ATP2B2: variants seen among roughly 807,000 people sequenced by gnomAD.
ATP2B2 encodes plasma membrane calcium-transporting ATPase 2.
Under a neutral mutation model 120.0 loss-of-function variants are expected in ATP2B2, and 15 were observed. The ratio of observed to expected loss-of-function variants is 0.12; its 90% CI spans 0.08 to 0.19. The LOEUF is 0.19. Among genes scored for constraint, ATP2B2 ranks in the 10% least tolerant of loss-of-function variants. The pLI is 1.00. For missense variants in ATP2B2, 1,045 were observed against 1,719.8 expected (o/e 0.61, Z 6.94); for synonymous variants, 694 against 700.3 (o/e 0.99, Z 0.14).
intron 1 of ATP2B2, among the ~76,000 whole-genome samples, chr3:10,470,176 G>T (rs146542207): frequency 6.6e-6 from 1 of 152,298 alleles, no homozygotes; most frequent in East Asian, 1.9e-4. Flanking sequence ...GGTTGAAATA[G>T]AAATAGCAGT....
At chr3:10,480,570 C>A (rs189998222) in intron 1 of ATP2B2, among the ~76,000 whole-genome samples, 1 of 152,344 alleles carries the variant, frequency 6.6e-6, no homozygotes, top group Admixed American at 6.5e-5. Flanking sequence ...CTGGACAGAA[C>A]TCCCTGTCAT....
intron 5 of ATP2B2, chr3:10,394,589 A>T (rs1335644584): frequency 4.4e-6 from 2 of 454,206 alleles, no homozygotes; most frequent in East Asian, 1.4e-4. Flanking sequence ...GGCCTTCTGC[A>T]GTCACGGTGT....
At chr3:10,404,068 A>G (rs1376159221) in intron 3 of ATP2B2, among the ~76,000 whole-genome samples, 1 of 152,236 alleles carries the variant, frequency 6.6e-6, no homozygotes, top group Non-Finnish European at 1.5e-5. Context: ...GTTTATGGGC[A>G]TTGGGCTCCT....
chr3:10,520,082 C>T (rs1212682208), intron 3 of ATP2B2, among the ~76,000 whole-genome samples: 4 of 152,184 alleles, frequency 2.6e-5, no homozygotes, highest in Admixed American at 2.6e-4. Context: ...TAAAATCAGC[C>T]CTAACAGATA....
chr3:10,431,280 G>A (rs916287053), intron 2 of ATP2B2, among the ~76,000 whole-genome samples: 2 of 152,194 alleles, frequency 1.3e-5, no homozygotes, highest in African/African-American at 4.8e-5. Flanking sequence ...TGGGTAAAAT[G>A]CTATCAAACA....
In ATP2B2 at chr3:10,596,980, C is replaced by T. The variant is rs150432002; in HGVS notation, c.-415+22937G>A. Among the ~76,000 whole-genome samples, 1,054 of 151,218 alleles carry T rather than the reference C, an allele frequency of 7.0e-3. 12 individuals are homozygous for T. The highest frequency in any genetic ancestry group is 0.024 in the African/African-American group (981 of 41,174). On this transcript the variant is annotated intron_variant, in intron 2 of 21. Transcript: ENST00000646379. The stretch of plus-strand genomic sequence containing the variant: ...GTACGCGTGCACACACACAGGCACA[C>T]GCACACGCAGGTGCACACGCACACA...
At chr3:10,385,095 C>T (rs557951526) in intron 8 of ATP2B2, among the ~76,000 whole-genome samples, 173 bp downstream of exon 8, 8 of 152,300 alleles carry the variant, frequency 5.3e-5, no homozygotes, top group Non-Finnish European at 8.8e-5. Context: ...CTGACTCCCC[C>T]GGCTGTGGCT....
At chr3:10,704,667 T>G (rs562078046) in intron 1 of ATP2B2, among the ~76,000 whole-genome samples, 2 of 152,338 alleles carry the variant, frequency 1.3e-5, no homozygotes, top group Non-Finnish European at 2.9e-5. Context: ...CTCCCTTTTT[T>G]GGGTTCAGTT....
intron 17 of ATP2B2, 90 bp from the exon 18 acceptor site, chr3:10,345,665 G>T: frequency 7.8e-7 from 1 of 1,277,286 alleles, no homozygotes; most frequent in Non-Finnish European, 1.1e-6. Context: ...CACTTCCTCA[G>T]TCCTACACAA....
intron 22 of ATP2B2, among the ~76,000 whole-genome samples, chr3:10,330,750 G>A (rs2059958557): frequency 6.6e-6 from 1 of 152,206 alleles, no homozygotes; most frequent in African/African-American, 2.4e-5. Flanking sequence ...AAACCCTGGT[G>A]GGGAAAGCCC....
intron 2 of ATP2B2, among the ~76,000 whole-genome samples, chr3:10,597,308 C>G (rs1461842954): frequency 6.6e-6 from 1 of 150,580 alleles, no homozygotes; most frequent in African/African-American, 2.5e-5. Flanking sequence ...CACAGACACA[C>G]AGACACATAG....
In ATP2B2 at chr3:10,343,053, C is replaced by T. The variant is rs2060327073; in HGVS notation, c.2704-88G>A. On this transcript the variant is annotated intron_variant, in intron 18 of 22. Transcript: ENST00000360273. The surrounding 1 kb of genome is among the most constrained non-coding windows in gnomAD (Gnocchi z 4.2). Reference sequence around the variant, plus strand: ...GGGCTCATGGTGTAGTGTCCGCAGGCTCCTGCTGGAGGCTGGAGTCCGACC... The same window carrying T: ...GGGCTCATGGTGTAGTGTCCGCAGGTTCCTGCTGGAGGCTGGAGTCCGACC... 2.8e-6 allele frequency: 4 copies of T among 1,423,006 alleles called. No individual in the cohort carries two copies. The highest frequency in any genetic ancestry group is 3.9e-6 in the Non-Finnish European group (4 of 1,021,078). The allele number at this position is 1,423,006 out of a possible 1,614,324, so 88.1% of individuals were successfully genotyped here.
At chr3:10,621,373 C>T (rs1575566428) in intron 1 of ATP2B2, among the ~76,000 whole-genome samples, 1 of 152,240 alleles carries the variant, frequency 6.6e-6, no homozygotes, top group East Asian at 1.9e-4. Flanking sequence ...CCCCAGAGCT[C>T]CCCGCCCCAA....
At chr3:10,374,494 C>T (rs968174413) in intron 11 of ATP2B2, among the ~76,000 whole-genome samples, 1 of 152,252 alleles carries the variant, frequency 6.6e-6, no homozygotes. Context: ...GAGGCTCTGC[C>T]AATTTCTCAG....
At chr3:10,337,443 G>A (rs1351998188) in intron 22 of ATP2B2, among the ~76,000 whole-genome samples, 1 of 152,162 alleles carries the variant, frequency 6.6e-6, no homozygotes, top group African/African-American at 2.4e-5. Context: ...GACAGCACTT[G>A]TGAGCTACAA....
At chr3:10,479,100 TA>T (rs35060726) in intron 1 of ATP2B2, among the ~76,000 whole-genome samples, 66,446 of 151,798 alleles carry the variant, frequency 0.44, 15,827 homozygotes, top group East Asian at 0.99. Flanking sequence ...TTTTTAAAAA[TA>T]AAATTACCCA....
chr3:10,331,445 T>C (rs2059976516), intron 22 of ATP2B2, among the ~76,000 whole-genome samples: 1 of 152,144 alleles, frequency 6.6e-6, no homozygotes. Flanking sequence ...GGCAGGGGGA[T>C]GGTGGCAGGA....
chr3:10,590,831 C>T (rs1028355210), intron 2 of ATP2B2, among the ~76,000 whole-genome samples: 7 of 152,100 alleles, frequency 4.6e-5, no homozygotes, highest in African/African-American at 1.7e-4. Flanking sequence ...GAACTGAGGA[C>T]CAAGTTTCAA....
intron 1 of ATP2B2, among the ~76,000 whole-genome samples, chr3:10,628,125 T>C (rs947634344): frequency 2.0e-5 from 3 of 152,260 alleles, no homozygotes; most frequent in African/African-American, 7.2e-5. Context: ...GGGACCTGCA[T>C]GGCCTCACAG....
Sources: gnomAD v4.1 joint callset for allele counts (sites outside exome capture counted in the v4.1 genomes callset) on GRCh38, gnomAD v4.1.1 for gene constraint, Gnocchi (gnomAD v3.1) non-coding constraint, MANE v1.5 for transcripts, NCBI Gene and HGNC (gene_info 2026-07-23, HGNC 2026-07-21) for gene names.